PRELID2: variants seen among roughly 807,000 people sequenced by gnomAD.
The protein encoded by PRELID2 is PRELI domain-containing protein 2.
Under a neutral mutation model 28.4 loss-of-function variants are expected in PRELID2, and 25 were observed. That is an observed-to-expected ratio of 0.88 (90% CI 0.64 to 1.23). The LOEUF (loss-of-function observed/expected upper bound fraction) is 1.23. Ranked by LOEUF, PRELID2 falls within the 50% of genes most tolerant of loss-of-function variation. The pLI is 0.00. For missense variants in PRELID2, 201 were observed against 214.4 expected, an observed-to-expected ratio of 0.94 and a Z score of 0.39; for synonymous variants, 76 against 71.6, an observed-to-expected ratio of 1.06 and a Z score of -0.31.
chr5:145,249,937 GTC>G, the PRELID2 span, among the ~76,000 whole-genome samples: 567 of 138,082 alleles, frequency 4.1e-3, 1 homozygote, highest in African/African-American at 8.0e-3. Flanking sequence ...CTCTCTCTCT[GTC>G]TCTCTCTCTC....
At chr5:145,512,663 G>T (rs1752471617) in intron 1 of PRELID2, among the ~76,000 whole-genome samples, 1 of 152,208 alleles carries the variant, frequency 6.6e-6, no homozygotes, top group Non-Finnish European at 1.5e-5. Flanking sequence ...CCTCAAGTGG[G>T]TCCCTGACCC....
chr5:145,763,379 G>T (rs1390983661), intron 6 of PRELID2, among the ~76,000 whole-genome samples: 1 of 152,168 alleles, frequency 6.6e-6, no homozygotes, highest in Non-Finnish European at 1.5e-5. Flanking sequence ...ACATTTATGA[G>T]CACCTGCTAT....
At chr5:145,531,084 T>C (rs1378656422) in intron 1 of PRELID2, among the ~76,000 whole-genome samples, 1 of 152,182 alleles carries the variant, frequency 6.6e-6, no homozygotes, top group African/African-American at 2.4e-5. Context: ...AGTCTATATA[T>C]ATATATATTC....
At chr5:145,724,732 A>C (rs1048853228) in intron 1 of PRELID2, among the ~76,000 whole-genome samples, 4 of 136,460 alleles carry the variant, frequency 2.9e-5, no homozygotes, top group African/African-American at 1.1e-4. Flanking sequence ...TAATATATAT[A>C]ATATAAAATA....
intron 1 of PRELID2, among the ~76,000 whole-genome samples, chr5:145,566,755 T>C (rs1027561055): frequency 4.7e-5 from 7 of 148,016 alleles, no homozygotes; most frequent in Non-Finnish European, 1.0e-4. Context: ...CAGGAGAATC[T>C]CCTGAACCTG....
chr5:145,318,790 T>C, the PRELID2 span, among the ~76,000 whole-genome samples: 1 of 152,182 alleles, frequency 6.6e-6, no homozygotes, highest in Non-Finnish European at 1.5e-5. Flanking sequence ...GCTTAAGTGT[T>C]AACTAGCTCA....
chr5:145,327,664 A>G, the PRELID2 span, among the ~76,000 whole-genome samples: 1 of 151,908 alleles, frequency 6.6e-6, no homozygotes, highest in African/African-American at 2.4e-5. Flanking sequence ...TGATTGTTTT[A>G]TAGTTCTTTT....
chr5:145,512,659 G>C (rs890987542), intron 1 of PRELID2, among the ~76,000 whole-genome samples: 1 of 152,198 alleles, frequency 6.6e-6, no homozygotes, highest in African/African-American at 2.4e-5. Flanking sequence ...GCCTCCTCAA[G>C]TGGGTCCCTG....
chr5:145,543,387 T>A (rs1752760927), intron 1 of PRELID2, among the ~76,000 whole-genome samples: 1 of 152,154 alleles, frequency 6.6e-6, no homozygotes, highest in Non-Finnish European at 1.5e-5. Context: ...TATATGGGCC[T>A]AAGAGAATTT....
intron 1 of PRELID2, among the ~76,000 whole-genome samples, chr5:145,638,205 A>G (rs1442403547): frequency 6.6e-6 from 1 of 152,166 alleles, no homozygotes; most frequent in Non-Finnish European, 1.5e-5. Flanking sequence ...CTATTAATAC[A>G]ACCACTGTGA....
intron 1 of PRELID2, among the ~76,000 whole-genome samples, chr5:145,607,828 T>C (rs1317254822): frequency 1.3e-5 from 2 of 152,200 alleles, no homozygotes; most frequent in Non-Finnish European, 2.9e-5. Flanking sequence ...ATTTGTCTAA[T>C]ACTGTCAGTG....
intron 5 of PRELID2, among the ~76,000 whole-genome samples, chr5:145,765,483 C>T (rs1757690819): frequency 6.6e-6 from 1 of 152,140 alleles, no homozygotes; most frequent in Non-Finnish European, 1.5e-5. Context: ...GCTGCTGGCA[C>T]ACAGCCACCC....
intron 1 of PRELID2, among the ~76,000 whole-genome samples, chr5:145,823,650 T>C (rs1165710434): frequency 6.6e-6 from 1 of 152,068 alleles, no homozygotes; most frequent in Non-Finnish European, 1.5e-5. Flanking sequence ...TAATACAGAG[T>C]GGACCTCTTC....
chr5:145,332,832 TGAA>T, the PRELID2 span, among the ~76,000 whole-genome samples: 3 of 152,140 alleles, frequency 2.0e-5, no homozygotes, highest in African/African-American at 7.2e-5. Flanking sequence ...TGTAATCCTT[TGAA>T]GAAGAAGAGT....
chr5:145,655,173 C>T (rs546223712), intron 1 of PRELID2, among the ~76,000 whole-genome samples: 169 of 151,806 alleles, frequency 1.1e-3, no homozygotes, highest in African/African-American at 3.8e-3. Flanking sequence ...AATAAAATAC[C>T]TAGGAATCCA....
chr5:145,367,526 C>CA, the PRELID2 span, among the ~76,000 whole-genome samples: 1 of 151,816 alleles, frequency 6.6e-6, no homozygotes, highest in Non-Finnish European at 1.5e-5. Flanking sequence ...TAGGTTTGGA[C>CA]AAATTTATAA....
At chr5:145,491,755 A>T (rs1356037590) in intron 1 of PRELID2, among the ~76,000 whole-genome samples, 1 of 151,704 alleles carries the variant, frequency 6.6e-6, no homozygotes. Flanking sequence ...TACTTCTATG[A>T]GATCAACATT....
At chr5:145,596,604 C>T (rs1301555866) in intron 1 of PRELID2, among the ~76,000 whole-genome samples, 1 of 152,104 alleles carries the variant, frequency 6.6e-6, no homozygotes, top group East Asian at 1.9e-4. Flanking sequence ...CAATAAGTCA[C>T]TGACTATTTA....
intron 1 of PRELID2, among the ~76,000 whole-genome samples, chr5:145,741,255 AAAT>A (rs1410398462): frequency 0.02 from 2,298 of 113,664 alleles, 99 homozygotes; most frequent in African/African-American, 0.078. Flanking sequence ...TATAATATAT[AAAT>A]AATATATATT....
Sources: allele counts gnomAD v4.1 joint callset (sites outside exome capture counted in the v4.1 genomes callset), GRCh38; gene constraint gnomAD v4.1.1; transcripts MANE v1.5; gene names NCBI Gene and HGNC (gene_info 2026-07-23, HGNC 2026-07-21).